The following GPC3 variants were observed in gnomAD, a reference collection of about 807,000 sequenced individuals.
The protein encoded by GPC3 is glypican 3, also known as glypican-3.
Under a neutral mutation model 34.4 loss-of-function variants are expected in GPC3, and 3 were observed. That is an observed-to-expected ratio of 0.09 (90% CI 0.04 to 0.23). GPC3 has a LOEUF of 0.23. Among genes scored for constraint, GPC3 ranks in the 10% least tolerant of loss-of-function variants. GPC3 has a pLI of 1.00. For missense variants in GPC3, 351 were observed against 445.6 expected (o/e 0.79, Z 1.91); for synonymous variants, 177 against 174.0 (o/e 1.02, Z -0.13).
At chrX:133,671,667 CTTTCTT>C (rs1452042252) in intron 5 of GPC3, among the ~76,000 whole-genome samples, 1 of 111,879 alleles carries the variant, frequency 8.9e-6, no homozygotes, top group Non-Finnish European at 1.9e-5. Context: ...ATCTGTTTCT[CTTTCTT>C]TTTCTTTTCT....
At chrX:133,619,825 A>T (rs1456543516) in intron 6 of GPC3, among the ~76,000 whole-genome samples, 2 of 110,493 alleles carry the variant, frequency 1.8e-5, no homozygotes, top group Non-Finnish European at 3.8e-5. Context: ...TTTACTCAAT[A>T]AAAAAAAGAC....
At chrX:133,913,177 C>G (rs1354681149) in intron 2 of GPC3, among the ~76,000 whole-genome samples, 1 of 111,828 alleles carries the variant, frequency 8.9e-6, no homozygotes, top group East Asian at 2.8e-4. Context: ...CAAGGGAGCA[C>G]TGCACCCCTT....
At chrX:133,956,515 C>T (rs1310743274) in intron 1 of GPC3, among the ~76,000 whole-genome samples, 1 of 112,087 alleles carries the variant, frequency 8.9e-6, no homozygotes, top group Non-Finnish European at 1.9e-5. Flanking sequence ...TCCTATGTGG[C>T]AGGTACTTTC....
intron 6 of GPC3, among the ~76,000 whole-genome samples, chrX:133,648,074 G>A (rs1569405074): frequency 1.8e-5 from 2 of 111,674 alleles, no homozygotes; most frequent in East Asian, 2.8e-4. Context: ...CCAAACCACT[G>A]CCTGCTCCAG....
chrX:133,913,141 C>T (rs1469099708), intron 2 of GPC3, among the ~76,000 whole-genome samples: 1 of 111,144 alleles, frequency 9.0e-6, no homozygotes, highest in Non-Finnish European at 1.9e-5. Flanking sequence ...AGTTGAAGCT[C>T]TGAGAATGAA....
intron 5 of GPC3, among the ~76,000 whole-genome samples, chrX:133,682,452 C>T (rs2070954098): frequency 9.0e-6 from 1 of 111,500 alleles, no homozygotes; most frequent in African/African-American, 3.3e-5. Flanking sequence ...ACCTCTTCAC[C>T]TTTACTCTGG....
chrX:133,763,175 C>A, intron 2 of GPC3: 2 of 687,697 alleles, frequency 2.9e-6, no homozygotes, highest in South Asian at 4.3e-5. Context: ...GTTACTGACC[C>A]CAGGGCTGAC....
chrX:133,684,678 C>T (rs1438929029), intron 5 of GPC3, among the ~76,000 whole-genome samples: 1 of 110,925 alleles, frequency 9.0e-6, no homozygotes, highest in African/African-American at 3.3e-5. Context: ...TGTATGCATA[C>T]TGCCTTGGGC....
chrX:133,776,881 T>TC (rs375484715), intron 2 of GPC3, among the ~76,000 whole-genome samples: 190 of 92,200 alleles, frequency 2.1e-3, no homozygotes, highest in African/African-American at 6.9e-3. Flanking sequence ...TTCTTTTCTT[T>TC]TTTTTTTTTT....
chrX:133,622,386 C>T (rs2070243698), intron 6 of GPC3, among the ~76,000 whole-genome samples: 1 of 111,662 alleles, frequency 9.0e-6, no homozygotes, highest in African/African-American at 3.3e-5. Context: ...TATTCAAGCC[C>T]ATCGCAAAGA....
intron 6 of GPC3, among the ~76,000 whole-genome samples, chrX:133,614,950 G>A (rs373611540): frequency 2.7e-5 from 3 of 111,333 alleles, no homozygotes; most frequent in African/African-American, 6.5e-5. Context: ...TAGCTTAGAC[G>A]AAATAGACAA....
At chrX:133,979,955 C>T (rs992467916) in intron 1 of GPC3, among the ~76,000 whole-genome samples, 1 of 111,653 alleles carries the variant, frequency 9.0e-6, no homozygotes, top group African/African-American at 3.3e-5. Flanking sequence ...TGAGTCTGTA[C>T]ACGAGTTCTG....
At chrX:133,596,190 G>T (rs1265239194) in intron 7 of GPC3, among the ~76,000 whole-genome samples, 1 of 111,626 alleles carries the variant, frequency 9.0e-6, no homozygotes, top group African/African-American at 3.3e-5. Context: ...GATTAGGTCA[G>T]TTCATTTTAG....
At chrX:133,561,942 T>C (rs933466363) in intron 7 of GPC3, among the ~76,000 whole-genome samples, 4 of 112,353 alleles carry the variant, frequency 3.6e-5, no homozygotes, top group Non-Finnish European at 5.6e-5. Flanking sequence ...TTTCTGGCAT[T>C]GTTCCAGAAT....
intron 2 of GPC3, among the ~76,000 whole-genome samples, chrX:133,820,686 T>G (rs2075714919): frequency 9.0e-6 from 1 of 111,647 alleles, no homozygotes; most frequent in African/African-American, 3.3e-5. Flanking sequence ...ATACAAAAAT[T>G]ATGAATCAGG....
At chrX:133,813,338 C>T (rs1349693729) in intron 2 of GPC3, among the ~76,000 whole-genome samples, 3 of 112,205 alleles carry the variant, frequency 2.7e-5, no homozygotes, top group African/African-American at 6.5e-5. Context: ...TGAATATCCA[C>T]GTCTTATTTA....
At chrX:133,803,640 T>G (rs1485454637) in intron 2 of GPC3, among the ~76,000 whole-genome samples, 1 of 112,018 alleles carries the variant, frequency 8.9e-6, no homozygotes, top group Non-Finnish European at 1.9e-5. Flanking sequence ...AAGACCGGAG[T>G]GATCTGAGTT....
intron 2 of GPC3, among the ~76,000 whole-genome samples, chrX:133,873,391 T>C (rs924465140): frequency 1.8e-5 from 2 of 112,109 alleles, no homozygotes; most frequent in African/African-American, 6.5e-5. Context: ...AGTCCCAATA[T>C]ATATATTCCA....
intron 7 of GPC3, among the ~76,000 whole-genome samples, chrX:133,576,485 C>T (rs1281672990): frequency 2.7e-5 from 3 of 110,782 alleles, no homozygotes; most frequent in African/African-American, 9.9e-5. Flanking sequence ...AGTGATCCAC[C>T]CGCCTCAGCC....
Sources: allele counts gnomAD v4.1 joint callset (sites outside exome capture counted in the v4.1 genomes callset), GRCh38; gene constraint gnomAD v4.1.1; transcripts MANE v1.5; gene names NCBI Gene and HGNC (gene_info 2026-07-23, HGNC 2026-07-21).